USP12: variants seen among roughly 807,000 people sequenced by gnomAD.
USP12 encodes ubiquitin specific peptidase 12.
In USP12, 19 loss-of-function variants were observed where a neutral mutation model predicts 45.5. The ratio of observed to expected loss-of-function variants is 0.42; its 90% CI spans 0.29 to 0.61. USP12 has a LOEUF of 0.61. Ranked by LOEUF, USP12 falls within the 20% of genes least tolerant of loss-of-function variation. The pLI, the probability that USP12 is intolerant of heterozygous loss-of-function variation, is 0.22. For synonymous variants in USP12, 149 were observed against 148.8 expected, an observed-to-expected ratio of 1.00 and a Z score of -0.01; for missense variants, 242 against 447.7, an observed-to-expected ratio of 0.54 and a Z score of 4.15.
At chr13:27,103,598 C>CAAAAAAAAAA (rs376135830) in intron 3 of USP12, among the ~76,000 whole-genome samples, 24 of 128,734 alleles carry the variant, frequency 1.9e-4, no homozygotes, top group South Asian at 5.6e-4. Flanking sequence ...ATTGAACTAT[C>CAAAAAAAAAA]AAAAAAAAAA....
Position 27,075,796 on chromosome 13 carries a change from G to A in USP12, c.735-408C>T, listed in dbSNP as rs543085257. 5.3e-5 allele frequency among the ~76,000 whole-genome samples: 8 copies of A among 152,218 alleles called. No individual in the cohort carries two copies. The East Asian group carries it at 7.7e-4, about 15-fold the overall frequency. On this transcript the variant is annotated intron_variant, in intron 6 of 8. Transcript: ENST00000282344. ...TGTAATCCCAACACTTTGGGAGGCCGAGGCAGGTGGATCACCTGAGGTCAT... is the reference window on the plus strand; with the variant it reads ...TGTAATCCCAACACTTTGGGAGGCCAAGGCAGGTGGATCACCTGAGGTCAT...
intron 3 of USP12, among the ~76,000 whole-genome samples, chr13:27,097,295 G>A (rs1415969599): frequency 6.6e-6 from 1 of 152,042 alleles, no homozygotes; most frequent in Non-Finnish European, 1.5e-5. Flanking sequence ...GTGAAAGTCC[G>A]TCTCTACTAA....
chr13:27,086,334 T>G (rs1374927920), intron 6 of USP12, among the ~76,000 whole-genome samples: 1 of 149,474 alleles, frequency 6.7e-6, no homozygotes, highest in African/African-American at 2.5e-5. Flanking sequence ...AAGAAGGATA[T>G]AAAAATATTT....
intron 1 of USP12, among the ~76,000 whole-genome samples, chr13:27,140,134 T>C (rs867912189): frequency 4.0e-5 from 6 of 150,562 alleles, no homozygotes; most frequent in Admixed American, 6.6e-5. Context: ...ATCCCCAAAA[T>C]AGTTTTTTTT....
chr13:27,090,224 G>T, intron 4 of USP12, 66 bp from the exon 5 acceptor site: 3 of 1,268,474 alleles, frequency 2.4e-6, no homozygotes, highest in South Asian at 2.9e-5. Flanking sequence ...CCAATTAACA[G>T]AATTAAATGC....
chr13:27,128,389 CT>C (rs904405036), intron 1 of USP12, among the ~76,000 whole-genome samples: 1 of 152,136 alleles, frequency 6.6e-6, no homozygotes, highest in Non-Finnish European at 1.5e-5. Flanking sequence ...TAAGAACATA[CT>C]TGAGTGCACG....
intron 1 of USP12, among the ~76,000 whole-genome samples, chr13:27,155,167 C>T (rs567411632): frequency 1.4e-5 from 2 of 148,016 alleles, no homozygotes; most frequent in East Asian, 2.0e-4. Flanking sequence ...TTGCAACCTC[C>T]GCCTCCAAGG....
At chr13:27,159,264 G>A (rs1443351967) in intron 1 of USP12, among the ~76,000 whole-genome samples, 3 of 151,996 alleles carry the variant, frequency 2.0e-5, no homozygotes, top group Non-Finnish European at 4.4e-5. Flanking sequence ...CACTCTGGTA[G>A]TTCAAAAAAC....
At chr13:27,111,174 T>C (rs1025256635) in intron 2 of USP12, among the ~76,000 whole-genome samples, 2 of 152,204 alleles carry the variant, frequency 1.3e-5, no homozygotes, top group Non-Finnish European at 2.9e-5. Flanking sequence ...TAAAGAAAAA[T>C]TAAAAGGTTG....
chr13:27,148,547 G>T (rs993103809), intron 1 of USP12, among the ~76,000 whole-genome samples: 2 of 150,898 alleles, frequency 1.3e-5, no homozygotes, highest in Admixed American at 6.6e-5. Flanking sequence ...GGTGGCAGGC[G>T]CCTGTAATCC....
chr13:27,165,167 A>G (rs989798429), intron 1 of USP12, among the ~76,000 whole-genome samples: 5 of 152,086 alleles, frequency 3.3e-5, no homozygotes, highest in Admixed American at 6.6e-5. Context: ...CTAAACTTGT[A>G]AAATATGTTT....
chr13:27,165,624 C>T (rs1319094685), intron 1 of USP12, among the ~76,000 whole-genome samples: 1 of 152,116 alleles, frequency 6.6e-6, no homozygotes, highest in African/African-American at 2.4e-5. Flanking sequence ...TGTCCAAGGT[C>T]ATACTCATAA....
At chr13:27,113,731 G>A (rs1276208740) in intron 2 of USP12, among the ~76,000 whole-genome samples, 1 of 152,166 alleles carries the variant, frequency 6.6e-6, no homozygotes, top group Admixed American at 6.5e-5. Flanking sequence ...CTAGGCAGAG[G>A]ACCTGGGCCA....
chr13:27,136,302 A>G (rs1876801640), intron 1 of USP12, among the ~76,000 whole-genome samples: 2 of 152,192 alleles, frequency 1.3e-5, no homozygotes, highest in Admixed American at 1.3e-4. Context: ...ATTCGAGACC[A>G]GCCTGGCCAA....
At chr13:27,072,566 G>T (rs61946482) in intron 7 of USP12, among the ~76,000 whole-genome samples, 8,099 of 152,186 alleles carry the variant, frequency 0.053, 258 homozygotes, top group Middle Eastern at 0.095. Flanking sequence ...AGATTAAAGA[G>T]ATACCAACAA....
chr13:27,122,131 G>C (rs1876020095), intron 1 of USP12, among the ~76,000 whole-genome samples: 2 of 152,030 alleles, frequency 1.3e-5, no homozygotes, highest in Admixed American at 1.3e-4. Flanking sequence ...AGACCAACCT[G>C]GGCAACATGG....
chr13:27,100,684 C>A (rs1437714177), intron 3 of USP12, among the ~76,000 whole-genome samples: 1 of 152,176 alleles, frequency 6.6e-6, no homozygotes, highest in Non-Finnish European at 1.5e-5. Context: ...AAATCTGGAA[C>A]CACCCACCTC....
intron 2 of USP12, among the ~76,000 whole-genome samples, chr13:27,113,876 A>C (rs972334181): frequency 5.3e-5 from 8 of 152,228 alleles, no homozygotes. Context: ...GAACCAAGAG[A>C]CATTTGCCTA....
chr13:27,158,277 C>T (rs1215895009), intron 1 of USP12, among the ~76,000 whole-genome samples: 2 of 152,050 alleles, frequency 1.3e-5, no homozygotes, highest in Non-Finnish European at 2.9e-5. Context: ...ATGATGCATC[C>T]ACTGCCAGAA....
Sources: allele counts gnomAD v4.1 joint callset (sites outside exome capture counted in the v4.1 genomes callset), GRCh38; gene constraint gnomAD v4.1.1; transcripts MANE v1.5; gene names NCBI Gene and HGNC (gene_info 2026-07-23, HGNC 2026-07-21).